Variants in FRMPD3 observed in about 807,000 individuals in gnomAD.
The protein encoded by FRMPD3 is FERM and PDZ domain containing 3.
Under a neutral mutation model 97.9 loss-of-function variants are expected in FRMPD3, and 42 were observed. That is an observed-to-expected ratio of 0.43 (90% CI 0.34 to 0.55). The LOEUF is 0.55. Ranked by LOEUF, FRMPD3 falls within the 20% of genes least tolerant of loss-of-function variation. The pLI is 0.03. For missense variants in FRMPD3, 1,303 were observed against 1,457.7 expected, an observed-to-expected ratio of 0.89 and a Z score of 1.73; for synonymous variants, 577 against 581.1, an observed-to-expected ratio of 0.99 and a Z score of 0.10.
At chrX:107,508,663 T>C (rs1285881963) in intron 1 of FRMPD3, among the ~76,000 whole-genome samples, 1 of 110,094 alleles carries the variant, frequency 9.1e-6, no homozygotes, top group Non-Finnish European at 1.9e-5. Flanking sequence ...TACAGTCCCC[T>C]CCTCCCCCAA....
intron 4 of FRMPD3, among the ~76,000 whole-genome samples, chrX:107,536,932 C>T (rs1278686389): frequency 9.0e-6 from 1 of 111,322 alleles, no homozygotes; most frequent in Non-Finnish European, 1.9e-5. Flanking sequence ...GGAAGGAAAC[C>T]CAGTTTCTAG....
chrX:107,562,362 T>C (rs1429877935), intron 10 of FRMPD3, among the ~76,000 whole-genome samples: 1 of 112,169 alleles, frequency 8.9e-6, no homozygotes, highest in East Asian at 2.8e-4. Flanking sequence ...TGGGAGCCAT[T>C]GAAGGGTTTA....
intron 13 of FRMPD3, among the ~76,000 whole-genome samples, chrX:107,590,083 A>G (rs1424448952): frequency 1.8e-5 from 2 of 112,462 alleles, no homozygotes; most frequent in African/African-American, 6.5e-5. Flanking sequence ...TGAACCAAGG[A>G]TGGGGAGGTT....
intron 1 of FRMPD3, among the ~76,000 whole-genome samples, chrX:107,466,215 G>A: frequency 8.9e-6 from 1 of 112,604 alleles, no homozygotes; most frequent in African/African-American, 3.2e-5. Context: ...GGTGAATTTT[G>A]TTTTGTGGGG....
Position 107,603,662 on chromosome X carries a change from C to G in FRMPD3, c.*289C>G. The stretch of plus-strand genomic sequence containing the variant: ...AGCAGAGCTGTATTTTATCTCTTCT[C>G]TGGGGCTGAGAGGTGACATCAGGCT... On this transcript the variant is annotated 3_prime_UTR_variant, in exon 15 of 15. Transcript: ENST00000683843. The G allele has an allele frequency of 7.3e-6, 2 of 275,527 alleles. No individual in the cohort carries two copies. Among genetic ancestry groups the G allele is most frequent in the Non-Finnish European group, 6.1e-6 (1 of 162,690 alleles). The allele number at this position is 275,527 out of a possible 1,213,427, so 22.7% of individuals were successfully genotyped here.
chrX:107,459,464 T>C (rs752058900), intron 1 of FRMPD3, among the ~76,000 whole-genome samples: 16 of 111,076 alleles, frequency 1.4e-4, no homozygotes, highest in Admixed American at 1.9e-4. Flanking sequence ...AGTCCACAGG[T>C]TGATGGGAGA....
intron 1 of FRMPD3, among the ~76,000 whole-genome samples, chrX:107,468,312 C>T (rs1931610246): frequency 8.9e-6 from 1 of 111,975 alleles, no homozygotes. Context: ...AGCACACAAA[C>T]GAACTTGCAG....
At chrX:107,461,985 T>G (rs1931486770) in intron 1 of FRMPD3, among the ~76,000 whole-genome samples, 1 of 108,978 alleles carries the variant, frequency 9.2e-6, no homozygotes, top group Admixed American at 9.9e-5. Context: ...TGGCCCCCTT[T>G]GCTCCATCTC....
At position 107,598,049 on chromosome X, in the gene FRMPD3, G is replaced by A; in HGVS notation, c.2170G>A (p.Glu724Lys). 8.3e-7 allele frequency: 1 copy of A among 1,210,733 alleles called. No individual in the cohort carries two copies. Among genetic ancestry groups the A allele is most frequent in the Non-Finnish European group, 1.1e-6 (1 of 895,364 alleles). The change falls in exon 14 of 15, where the codon GAG (glutamate) becomes AAG (lysine). Residue 724 changes from glutamate to lysine, a missense_variant. By Grantham distance (56) the Glu-to-Lys change is moderately conservative (BLOSUM62 1). Around this residue, in one of 3 missense-constraint regions of FRMPD3, gnomAD observed 535 missense variants for 618.6 expected, o/e 0.86. Transcript: ENST00000683843. ...QTRTVRDHAQELDDALVSTLQ... is the reference protein window; with the variant it reads ...QTRTVRDHAQKLDDALVSTLQ... The stretch of plus-strand genomic sequence containing the variant: ...CCGGACAGTTCGAGATCATGCCCAG[G>A]AGCTAGATGATGCCCTGGTGTCCAC...
chrX:107,530,997 T>A (rs915641992), intron 3 of FRMPD3, among the ~76,000 whole-genome samples: 1 of 110,983 alleles, frequency 9.0e-6, no homozygotes, highest in African/African-American at 3.3e-5. Flanking sequence ...TTGTGTCCCC[T>A]AAATGCCCTC....
chrX:107,592,695 T>A (rs1647392128), intron 13 of FRMPD3, among the ~76,000 whole-genome samples: 1 of 110,540 alleles, frequency 9.0e-6, no homozygotes, highest in Non-Finnish European at 1.9e-5. Context: ...CCATAGTGGT[T>A]GTACTAGTTT....
chrX:107,508,021 A>G (rs773183778), intron 1 of FRMPD3, among the ~76,000 whole-genome samples: 16 of 112,256 alleles, frequency 1.4e-4, no homozygotes, highest in Non-Finnish European at 2.6e-4. Flanking sequence ...GCCTTGTTTA[A>G]TCTTCACAAC....
intron 1 of FRMPD3, chrX:107,513,465 T>C (rs1225292795): frequency 9.0e-6 from 1 of 111,703 alleles, no homozygotes; most frequent in Non-Finnish European, 1.9e-5. Flanking sequence ...AGGATAGTTG[T>C]CTACCCTTAA....
Position 107,603,409 on chromosome X carries a change from T to C in FRMPD3, c.*36T>C. 8.9e-7 allele frequency: 1 copy of C among 1,122,361 alleles called. No homozygotes were observed. 92.5% of individuals were successfully genotyped at this position (1,122,361 alleles called of 1,213,427 possible). Reference sequence around the variant, plus strand: ...CACACCTGTCCCCCTTCCCCAACCATGGCCCCAGGTTTGAGCTTTGTGGTC... The same window carrying C: ...CACACCTGTCCCCCTTCCCCAACCACGGCCCCAGGTTTGAGCTTTGTGGTC... On this transcript the variant is annotated 3_prime_UTR_variant, in exon 15 of 15. Transcript: ENST00000683843.
rs1365575864 is a variant in FRMPD3, at chrX:107,572,911, A to ACTACTACTAC, written c.1297-3404_1297-3403insCTACTACTAC. Among the ~76,000 whole-genome samples the ACTACTACTAC allele has an allele frequency of 9.7e-3, 850 of 87,528 alleles. 11 individuals carry two copies. The highest frequency in any genetic ancestry group is 0.041 in the African/African-American group (747 of 18,350). The allele number at this position is 87,528 out of a possible 115,157, so 76.0% of individuals were successfully genotyped here. A position where few individuals can be genotyped will look rare whatever the true frequency, so the allele number is the denominator to read the frequency against. On this transcript the variant is annotated intron_variant, in intron 12 of 14. Coordinates refer to ENST00000683843, the MANE Select transcript of FRMPD3 (RefSeq NM_001388459.1). ...ACTACTACTACTACTACTACTACTA[A>ACTACTACTAC]TAATAATAATAATAATAAAGTAGAA... is the stretch of plus-strand genomic sequence containing the variant.
intron 4 of FRMPD3, among the ~76,000 whole-genome samples, chrX:107,534,363 A>T (rs934980700): frequency 9.0e-6 from 1 of 111,018 alleles, no homozygotes; most frequent in African/African-American, 3.3e-5. Context: ...CCCCAACAAC[A>T]GTCCTCTGCA....
chrX:107,559,498 T>G (rs1303973850), intron 8 of FRMPD3, among the ~76,000 whole-genome samples: 2 of 111,982 alleles, frequency 1.8e-5, no homozygotes, highest in African/African-American at 6.5e-5. Context: ...ATTTTCTACA[T>G]AGATGATCAT....
At chrX:107,515,705 G>T (rs1369249090) in intron 1 of FRMPD3, among the ~76,000 whole-genome samples, 1 of 111,613 alleles carries the variant, frequency 9.0e-6, no homozygotes, top group African/African-American at 3.3e-5. Context: ...GTTTTCTTAA[G>T]GATGGATTAT....
rs188728729 is a variant in FRMPD3 at position 107,588,856 on chromosome X, A to G, written c.1442-8465A>G. Among the ~76,000 whole-genome samples, 1,070 of 109,431 alleles carry G rather than the reference A, an allele frequency of 9.8e-3. 3 individuals carry two copies. Among genetic ancestry groups the G allele is most frequent in the Non-Finnish European group, 0.016 (858 of 52,704 alleles). ...TTCAAACTCTAATATCCTTTCTTCC[A>G]CTTGGTTGATTCAGCTATCGATACT... On this transcript the variant is annotated intron_variant, in intron 13 of 14. Transcript: ENST00000683843.
Sources: allele counts gnomAD v4.1 joint callset (sites outside exome capture counted in the v4.1 genomes callset), GRCh38; gene constraint gnomAD v4.1.1; regional missense constraint gnomAD v4.1.1; transcripts MANE v1.5; gene names NCBI Gene and HGNC (gene_info 2026-07-23, HGNC 2026-07-21).